PTPRD: variants seen among roughly 807,000 people sequenced by gnomAD.
The protein encoded by PTPRD is protein tyrosine phosphatase receptor type D, also known as receptor-type tyrosine-protein phosphatase delta.
A neutral mutation model predicts 214.5 loss-of-function variants in PTPRD; 34 were observed. The ratio of observed to expected loss-of-function variants is 0.16; its 90% CI spans 0.12 to 0.21. PTPRD has a LOEUF of 0.21. Ranked by LOEUF, PTPRD falls within the 10% of genes least tolerant of loss-of-function variation. PTPRD has a pLI of 1.00. For missense variants in PTPRD, 2,545 were observed against 2,398.7 expected (o/e 1.06, Z -1.27); for synonymous variants, 1,128 against 845.7 (o/e 1.33, Z -5.79).
At chr9:10,572,502 A>G (rs2067780346) in intron 2 of PTPRD, among the ~76,000 whole-genome samples, 1 of 152,220 alleles carries the variant, frequency 6.6e-6, no homozygotes, top group Admixed American at 6.5e-5. Context: ...GGGACAAAGA[A>G]TGATGTCCTC....
chr9:8,731,956 G>A (rs933688608), intron 12 of PTPRD, among the ~76,000 whole-genome samples: 5 of 152,062 alleles, frequency 3.3e-5, no homozygotes. Flanking sequence ...CTTTTTCAAG[G>A]GACATCTTAA....
intron 11 of PTPRD, among the ~76,000 whole-genome samples, chr9:8,769,425 A>G (rs1415655700): frequency 2.0e-5 from 3 of 152,240 alleles, no homozygotes; most frequent in Non-Finnish European, 4.4e-5. Flanking sequence ...TTCAGTGAAT[A>G]GCATCATCAA....
chr9:9,106,635 A>AAAAG lies in PTPRD; in HGVS notation c.-143+76668_-143+76669insCTTT, dbSNP rs1554793219. On this transcript the variant is annotated intron_variant, in intron 10 of 45. Coordinates refer to ENST00000381196, the MANE Select transcript of PTPRD (RefSeq NM_002839.4). Reference sequence around the variant, plus strand: ...GGCAAAAAAAAAAAAAAAAAAAAAAAGGTTTCATCTGCAGGCTCCTACCTA... The same window carrying AAAAG: ...GGCAAAAAAAAAAAAAAAAAAAAAAAAAAGGGTTTCATCTGCAGGCTCCTACCTA... 1.4e-4 allele frequency among the ~76,000 whole-genome samples: 20 copies of AAAAG among 145,510 alleles called. No homozygotes were observed. The East Asian group carries it at 1.5e-3, about 11-fold the overall frequency.
At chr9:8,648,892 C>T (rs990127428) in intron 12 of PTPRD, among the ~76,000 whole-genome samples, 1 of 152,208 alleles carries the variant, frequency 6.6e-6, no homozygotes, top group Non-Finnish European at 1.5e-5. Flanking sequence ...TCATCCACTG[C>T]TAATTTACTC....
intron 7 of PTPRD, among the ~76,000 whole-genome samples, chr9:9,637,726 G>T (rs895537886): frequency 5.9e-5 from 9 of 152,134 alleles, no homozygotes; most frequent in African/African-American, 1.9e-4. Flanking sequence ...CTGCTCCCAT[G>T]GCTCCTTAGG....
intron 12 of PTPRD, among the ~76,000 whole-genome samples, chr9:8,692,326 A>G (rs2097825133): frequency 6.6e-6 from 1 of 152,178 alleles, no homozygotes; most frequent in Non-Finnish European, 1.5e-5. Context: ...ATGTAGACTT[A>G]AAGACTCAGT....
rs1279285413 is a variant in PTPRD, at chr9:9,554,115, G to A, written c.-237+20617C>T. ...ACGCTTTCATATGACAGTATTTCAT[G>A]GGATATGTGGGCAAGAATCCAAAAA... On this transcript the variant is annotated intron_variant, in intron 8 of 45. Transcript: ENST00000381196. 2.0e-5 allele frequency among the ~76,000 whole-genome samples: 3 copies of A among 152,108 alleles called. No homozygotes were observed. In the East Asian group the frequency reaches 5.8e-4, roughly 29 times the overall value.
intron 5 of PTPRD, among the ~76,000 whole-genome samples, chr9:9,899,953 T>C (rs565721952): frequency 1.3e-5 from 2 of 151,934 alleles, no homozygotes; most frequent in South Asian, 2.1e-4. Context: ...CAAAGACACA[T>C]GACAAACCTG....
chr9:8,752,655 C>T (rs965452339), intron 11 of PTPRD, among the ~76,000 whole-genome samples: 1 of 152,148 alleles, frequency 6.6e-6, no homozygotes, highest in African/African-American at 2.4e-5. Context: ...CAAACGAGCC[C>T]AGACTAGCCT....
chr9:9,733,368 A>G (rs2098233981), intron 7 of PTPRD, among the ~76,000 whole-genome samples: 3 of 152,160 alleles, frequency 2.0e-5, no homozygotes, highest in African/African-American at 7.2e-5. Context: ...GATCTGATAT[A>G]CAACTTTAAG....
chr9:10,278,739 T>C (rs1179719953), intron 3 of PTPRD, among the ~76,000 whole-genome samples: 2 of 152,092 alleles, frequency 1.3e-5, no homozygotes, highest in Non-Finnish European at 2.9e-5. Context: ...AACTTACATC[T>C]TATCTTCATG....
At chr9:8,503,798 T>G (rs1289760177) in intron 23 of PTPRD, among the ~76,000 whole-genome samples, 1 of 152,206 alleles carries the variant, frequency 6.6e-6, no homozygotes, top group Non-Finnish European at 1.5e-5. Context: ...CTTTTCTTAG[T>G]AGAAACAAAT....
chr9:9,976,252 T>C (rs1450957061), intron 4 of PTPRD, among the ~76,000 whole-genome samples: 2 of 152,140 alleles, frequency 1.3e-5, no homozygotes, highest in African/African-American at 2.4e-5. Flanking sequence ...GTTTACAAAA[T>C]AGAAACTTAA....
At chr9:10,442,504 G>A (rs539664740) in intron 2 of PTPRD, among the ~76,000 whole-genome samples, 1 of 151,672 alleles carries the variant, frequency 6.6e-6, no homozygotes, top group South Asian at 2.1e-4. Context: ...TCTGAAGAAT[G>A]ACTCTAAAGC....
chr9:9,239,916 C>T (rs2099969511), intron 9 of PTPRD, among the ~76,000 whole-genome samples: 2 of 152,268 alleles, frequency 1.3e-5, no homozygotes, highest in Admixed American at 6.5e-5. Flanking sequence ...TTGCTCAAAA[C>T]CCAGGATGAC....
intron 3 of PTPRD, among the ~76,000 whole-genome samples, chr9:10,232,240 G>A (rs533231028): frequency 1.2e-4 from 18 of 151,706 alleles, no homozygotes; most frequent in Admixed American, 5.9e-4. Context: ...AAGTTTCTCC[G>A]GTTCAGGTAT....
chr9:9,297,797 A>G (rs1349811699), intron 9 of PTPRD, among the ~76,000 whole-genome samples: 3 of 151,724 alleles, frequency 2.0e-5, no homozygotes, highest in African/African-American at 4.8e-5. Context: ...AGATATTAAT[A>G]TAAGAGTTAA....
In PTPRD at chr9:8,959,718, A is replaced by G. The variant is rs552870005; in HGVS notation, c.-104+58979T>C. Among the ~76,000 whole-genome samples the G allele has an allele frequency of 4.6e-5, 7 of 152,212 alleles. No individual in the cohort carries two copies. The South Asian group carries it at 1.4e-3, about 32-fold the overall frequency. On this transcript the variant is annotated intron_variant, in intron 11 of 45. Coordinates refer to ENST00000381196, the MANE Select transcript of PTPRD (RefSeq NM_002839.4). ...TCATTGAGTATATCCTTTGGAAAGC[A>G]GCTATATTTCTTATCAAATCCTCCA...
chr9:8,981,638 A>T (rs191666919), intron 11 of PTPRD, among the ~76,000 whole-genome samples: 48 of 152,168 alleles, frequency 3.2e-4, no homozygotes, highest in African/African-American at 1.1e-3. Context: ...AAAAAAATGT[A>T]TGAGCAAAAA....
Sources: gnomAD v4.1 joint callset for allele counts (sites outside exome capture counted in the v4.1 genomes callset) on GRCh38, gnomAD v4.1.1 for gene constraint, MANE v1.5 for transcripts, NCBI Gene and HGNC (gene_info 2026-07-23, HGNC 2026-07-21) for gene names.